The following HERC5 variants were observed in gnomAD, a reference collection of about 807,000 sequenced individuals.
The protein encoded by HERC5 is E3 ISG15--protein ligase HERC5.
In HERC5, 99 loss-of-function variants were observed where a neutral mutation model predicts 119.6. The observed-to-expected ratio is 0.83, with a 90% CI of 0.70 to 0.98. HERC5 has a LOEUF of 0.98. Among genes scored for constraint, HERC5 ranks in the 50% least tolerant of loss-of-function variants. The probability of loss-of-function intolerance (pLI) is 0.00; values close to 1 mark genes in which losing one functional copy is unlikely to be tolerated. For synonymous variants in HERC5, 478 were observed against 445.9 expected (o/e 1.07, Z -0.91); for missense variants, 1,267 against 1,241.3 (o/e 1.02, Z -0.31).
At position 88,494,170 on chromosome 4, in the gene HERC5, A is replaced by C; in HGVS notation, c.2283A>C (p.Lys761Asn). ...ASCMWFPVKP[K>N]FEKKRYFFFG... Reference sequence around the variant, plus strand: ...ATTTTTTTTTCGCTTTTCAGCCTAAATTTGAGAAGAAAAGATACTTCTTTT... The same window carrying C: ...ATTTTTTTTTCGCTTTTCAGCCTAACTTTGAGAAGAAAAGATACTTCTTTT... The change falls in exon 18 of 23, where the codon AAA (lysine) becomes AAC (asparagine). Residue 761 changes from lysine (K) to asparagine (N), a missense_variant. Physicochemically the swap from Lys to Asn is moderately conservative, Grantham distance 94 (BLOSUM62 0). Coordinates refer to ENST00000264350, the MANE Select transcript of HERC5 (RefSeq NM_016323.4). 6.2e-7 allele frequency: 1 copy of C among 1,602,322 alleles called. No homozygotes were observed. The highest frequency in any genetic ancestry group is 1.3e-5 in the African/African-American group (1 of 74,272).
chr4:88,500,907 G>C lies in HERC5; in HGVS notation c.2512-8G>C. 6.2e-7 allele frequency: 1 copy of C among 1,604,248 alleles called. No homozygotes were observed. The highest frequency in any genetic ancestry group is 8.5e-7 in the Non-Finnish European group (1 of 1,173,970). On this transcript the variant is annotated splice_polypyrimidine_tract_variant and splice_region_variant and intron_variant, in intron 19 of 22. Transcript: ENST00000264350. ...GGAGATATTATCTGAGTTCATTTGC[G>C]GTTACAGGTGCACTGGGACAGAAAC...
chr4:88,492,732 T>C (rs1741685731), intron 16 of HERC5, among the ~76,000 whole-genome samples: 2 of 151,764 alleles, frequency 1.3e-5, no homozygotes, highest in African/African-American at 4.8e-5. Context: ...GACAACAGAG[T>C]GAGACTCCAT....
chr4:88,473,717 ACTTT>A lies in HERC5; in HGVS notation c.1392+1222_1392+1225del, dbSNP rs1477140696. The A allele has an allele frequency of 7.2e-5, 11 of 152,296 alleles. No homozygotes were observed. The East Asian group carries it at 9.6e-4, about 13-fold the overall frequency. The allele number at this position is 152,296 out of a possible 1,614,324, so 9.4% of individuals were successfully genotyped here. A position where few individuals can be genotyped will look rare whatever the true frequency, so the allele number is the denominator to read the frequency against. Reference sequence around the variant, plus strand: ...AAATCCTCCTGTGGGGGCCAGTTTAACTTTCTTTCTGTAAGATTCTGAGTCATTG... The same window carrying A: ...AAATCCTCCTGTGGGGGCCAGTTTAACTTTCTGTAAGATTCTGAGTCATTG... On this transcript the variant is annotated intron_variant, in intron 11 of 22. Coordinates refer to ENST00000264350, the MANE Select transcript of HERC5 (RefSeq NM_016323.4).
chr4:88,486,196 G>T lies in HERC5; in HGVS notation c.1819G>T (p.Val607Leu), dbSNP rs1416961536. Residue 607 changes from valine to leucine, a missense_variant, in exon 14 of 23, where the codon GTA becomes TTA. By Grantham distance (32) the Val-to-Leu change is conservative (BLOSUM62 1). Transcript: ENST00000264350. The stretch of plus-strand genomic sequence containing the variant: ...GCACCGTCTCAATTTTTTTGTAGAA[G>T]TATGCAGAAGGTACTTGTGGAAAAT... Reference protein sequence around the residue: ...LLHRLNFFVEVCRRYLWKMTV... With the variant: ...LLHRLNFFVELCRRYLWKMTV... The T allele has an allele frequency of 4.3e-6, 7 of 1,610,978 alleles. No individual in the cohort carries two copies. Among genetic ancestry groups the T allele is most frequent in the Non-Finnish European group, 5.9e-6 (7 of 1,177,854 alleles).
intron 3 of HERC5, 22 bp from the exon 4 acceptor site, chr4:88,462,113 C>G: frequency 6.3e-7 from 1 of 1,594,676 alleles, no homozygotes; most frequent in South Asian, 1.1e-5. Context: ...AATAAAACAG[C>G]ATTTGCTTTG....
At chr4:88,458,733 TAAATA>T (rs957726587) in intron 1 of HERC5, among the ~76,000 whole-genome samples, 19 of 152,300 alleles carry the variant, frequency 1.2e-4, no homozygotes, top group Admixed American at 2.6e-4. Flanking sequence ...GTGAACAAAT[TAAATA>T]AGAGTACATT....
intron 12 of HERC5, among the ~76,000 whole-genome samples, chr4:88,477,461 A>G (rs1269758619): frequency 1.3e-5 from 1 of 75,856 alleles, no homozygotes; most frequent in African/African-American, 5.7e-5. Context: ...GGTGAAGGGA[A>G]GGGAACGGAA....
At chr4:88,489,548 G>A (rs1741567551) in intron 16 of HERC5, among the ~76,000 whole-genome samples, 1 of 152,154 alleles carries the variant, frequency 6.6e-6, no homozygotes, top group South Asian at 2.1e-4. Flanking sequence ...AGCAGGCAAA[G>A]TGGTTGTTCT....
chr4:88,462,132 A>G lies in HERC5; in HGVS notation c.467-3A>G. The G allele has an allele frequency of 6.2e-7, 1 of 1,613,012 alleles. No individual in the cohort carries two copies. The highest frequency in any genetic ancestry group is 8.5e-7 in the Non-Finnish European group (1 of 1,179,480). ...AAACAGCATTTGCTTTGTTTATGTC[A>G]AGGTGGTGAGCTTTTTGCCTGGGGA... On this transcript the variant is annotated splice_polypyrimidine_tract_variant and splice_region_variant and intron_variant, in intron 3 of 22. Transcript: ENST00000264350.
rs984091740 is a variant in HERC5 at position 88,457,449 on chromosome 4, G to A, written c.180G>A (p.Pro60=). Residue 60 remains proline (P), a synonymous_variant, in exon 1 of 23, where the codon CCG becomes CCA. Transcript: ENST00000264350. ...TGACGCGCCAACTCTGCTGCTCGCC[G>A]GGGCGCCTCGCGGTCTTGGAACGCG... is the stretch of plus-strand genomic sequence containing the variant. ...VEVTRQLCCS[P]GRLAVLERGG... 5.2e-6 allele frequency: 7 copies of A among 1,348,654 alleles called. No individual in the cohort carries two copies. Among genetic ancestry groups the A allele is most frequent in the Admixed American group, 3.4e-5 (1 of 29,058 alleles). The allele number at this position is 1,348,654 out of a possible 1,614,324, so 83.5% of individuals were successfully genotyped here. A position where few individuals can be genotyped will look rare whatever the true frequency, so the allele number is the denominator to read the frequency against.
At chr4:88,472,362 C>A in intron 10 of HERC5, 47 bp from the exon 11 acceptor site, 2 of 1,094,668 alleles carry the variant, frequency 1.8e-6, no homozygotes, top group East Asian at 2.4e-5. Context: ...AACTTTGCAT[C>A]TAGGGAGATA....
intron 5 of HERC5, 68 bp downstream of exon 5, chr4:88,463,691 T>G (rs1740533721): frequency 1.4e-6 from 2 of 1,472,712 alleles, no homozygotes; most frequent in Admixed American, 1.8e-5. Flanking sequence ...AGTTAGTGTT[T>G]CCCAGAGAAG....
At chr4:88,482,765 G>A (rs946512836) in intron 13 of HERC5, among the ~76,000 whole-genome samples, 1 of 152,038 alleles carries the variant, frequency 6.6e-6, no homozygotes, top group Non-Finnish European at 1.5e-5. Context: ...CAAGTACCTG[G>A]GATTACAGGC....
intron 13 of HERC5, among the ~76,000 whole-genome samples, chr4:88,481,824 G>A (rs1294831219): frequency 4.5e-4 from 69 of 152,188 alleles, no homozygotes; most frequent in Admixed American, 4.5e-3. Context: ...GCCCTAGATA[G>A]TATTCTAAGA....
At chr4:88,492,302 C>T (rs752557460) in intron 16 of HERC5, among the ~76,000 whole-genome samples, 34 of 151,898 alleles carry the variant, frequency 2.2e-4, no homozygotes, top group Non-Finnish European at 4.0e-4. Context: ...CCACGCCCGG[C>T]CAATTTTTAT....
chr4:88,491,744 G>A (rs1361619282), intron 16 of HERC5, among the ~76,000 whole-genome samples: 1 of 152,066 alleles, frequency 6.6e-6, no homozygotes, highest in Admixed American at 6.6e-5. Flanking sequence ...GCCCGTGTTT[G>A]TATTGGAGAC....
chr4:88,490,381 A>G (rs959382944), intron 16 of HERC5, among the ~76,000 whole-genome samples: 23 of 152,172 alleles, frequency 1.5e-4, no homozygotes, highest in Non-Finnish European at 2.9e-4. Flanking sequence ...GCATCAGAGG[A>G]TTTGGGCCTG....
At chr4:88,461,600 C>G (rs1740446583) in intron 3 of HERC5, among the ~76,000 whole-genome samples, 1 of 152,112 alleles carries the variant, frequency 6.6e-6, no homozygotes, top group Admixed American at 6.5e-5. Flanking sequence ...CAGATAACAT[C>G]TAAGAACGCT....
intron 20 of HERC5, among the ~76,000 whole-genome samples, chr4:88,502,873 T>C (rs1741986766): frequency 6.6e-6 from 1 of 152,126 alleles, no homozygotes; most frequent in Non-Finnish European, 1.5e-5. Flanking sequence ...GCTTTTTTTT[T>C]TCTTGTCAGT....
Sources: allele counts gnomAD v4.1 joint callset (sites outside exome capture counted in the v4.1 genomes callset), GRCh38; gene constraint gnomAD v4.1.1; transcripts MANE v1.5; gene names NCBI Gene and HGNC (gene_info 2026-07-23, HGNC 2026-07-21).